The following NRXN3 variants were observed in gnomAD, a reference collection of about 807,000 sequenced individuals.
NRXN3 encodes neurexin 3, also known as neurexin III.
Under a neutral mutation model 137.6 loss-of-function variants are expected in NRXN3, and 32 were observed. The ratio of observed to expected loss-of-function variants is 0.23; its 90% CI spans 0.18 to 0.31. NRXN3 has a LOEUF of 0.31. Ranked by LOEUF, NRXN3 falls within the 10% of genes least tolerant of loss-of-function variation. The pLI is 1.00. For missense variants in NRXN3, 1,574 were observed against 2,062.5 expected (o/e 0.76, Z 4.59); for synonymous variants, 798 against 784.5 (o/e 1.02, Z -0.29).
chr14:78,232,363 C>T (rs2065543629), intron 1 of NRXN3, among the ~76,000 whole-genome samples: 1 of 152,230 alleles, frequency 6.6e-6, no homozygotes, highest in African/African-American at 2.4e-5. Flanking sequence ...AGAGAGAGCC[C>T]TCCCAGCAGC....
At chr14:79,758,067 G>T (rs2099025808) in intron 19 of NRXN3, among the ~76,000 whole-genome samples, 1 of 151,950 alleles carries the variant, frequency 6.6e-6, no homozygotes, top group South Asian at 2.1e-4. Context: ...GTTTATTTTT[G>T]TTTTTTACAG....
At chr14:78,465,396 G>A (rs1325619780) in intron 4 of NRXN3, among the ~76,000 whole-genome samples, 1 of 151,926 alleles carries the variant, frequency 6.6e-6, no homozygotes, top group African/African-American at 2.4e-5. Context: ...TCATAATCTA[G>A]CAATTTAATA....
intron 16 of NRXN3, among the ~76,000 whole-genome samples, chr14:79,542,775 ATCT>A (rs2097285735): frequency 6.6e-6 from 1 of 152,176 alleles, no homozygotes; most frequent in Non-Finnish European, 1.5e-5. Context: ...AGAACAAACA[ATCT>A]TCTTTTAAAA....
intron 17 of NRXN3, among the ~76,000 whole-genome samples, chr14:79,683,997 C>A (rs544849891): frequency 6.6e-6 from 1 of 152,302 alleles, no homozygotes; most frequent in East Asian, 1.9e-4. Flanking sequence ...ACCTCTTACA[C>A]AGAGGAGTTT....
intron 2 of NRXN3, among the ~76,000 whole-genome samples, chr14:78,250,656 C>T (rs765459592): frequency 1.2e-4 from 18 of 152,194 alleles, no homozygotes; most frequent in Admixed American, 3.9e-4. Context: ...CAGGCCTTAG[C>T]ATCCCACTGA....
intron 4 of NRXN3, among the ~76,000 whole-genome samples, chr14:78,306,201 A>G (rs528475969): frequency 1.1e-4 from 17 of 152,270 alleles, no homozygotes; most frequent in East Asian, 5.8e-4. Flanking sequence ...AGATTTTGAA[A>G]CAACATGTCT....
At chr14:78,806,086 A>T (rs527870736) in intron 9 of NRXN3, among the ~76,000 whole-genome samples, 27 of 146,920 alleles carry the variant, frequency 1.8e-4, no homozygotes, top group Middle Eastern at 7.0e-3. Flanking sequence ...TTTTGTTGCA[A>T]TTTCAATCTA....
chr14:79,122,588 A>T (rs1286200887), intron 15 of NRXN3, among the ~76,000 whole-genome samples: 1 of 152,244 alleles, frequency 6.6e-6, no homozygotes, highest in African/African-American at 2.4e-5. Flanking sequence ...CTCTGTTAAG[A>T]TATTCAGACC....
chr14:79,109,396 A>C (rs1177917946), intron 15 of NRXN3, among the ~76,000 whole-genome samples: 1 of 152,218 alleles, frequency 6.6e-6, no homozygotes. Context: ...AATATTTCAG[A>C]ATAATTTTCT....
In NRXN3 at chr14:79,420,709, G is replaced by C. The variant is rs1170202051; in HGVS notation, c.3263-46512G>C. Among the ~76,000 whole-genome samples, 3 of 152,156 alleles carry C rather than the reference G, an allele frequency of 2.0e-5. No individual in the cohort carries two copies. In the East Asian group the frequency reaches 5.8e-4, roughly 29 times the overall value. On this transcript the variant is annotated intron_variant, in intron 15 of 20. Coordinates refer to ENST00000335750, the MANE Select transcript of NRXN3 (RefSeq NM_001330195.2). ...ACAAAACCTAGAGTCAAACATTCAT[G>C]AGGTTTTCTCAATGCAAAAGAAGCC...
chr14:79,761,814 C>T (rs1369098049), intron 19 of NRXN3, among the ~76,000 whole-genome samples: 1 of 150,474 alleles, frequency 6.6e-6, no homozygotes, highest in East Asian at 2.0e-4. Context: ...TACTCATATA[C>T]AAAAGGAAAA....
Position 79,636,002 on chromosome 14 carries a change from T to C in NRXN3, c.3445-27776T>C, listed in dbSNP as rs544937819. 4.6e-5 allele frequency among the ~76,000 whole-genome samples: 7 copies of C among 152,048 alleles called. No homozygotes were observed. The South Asian group carries it at 1.5e-3, about 32-fold the overall frequency. On this transcript the variant is annotated intron_variant, in intron 16 of 20. Transcript: ENST00000335750. ...TCCTTACTGGGTCCCTCCCATGACA[T>C]GTAGGGATTATGGGAACTACTATTC...
chr14:78,575,390 T>C (rs1269560811), intron 4 of NRXN3, among the ~76,000 whole-genome samples: 1 of 152,170 alleles, frequency 6.6e-6, no homozygotes, highest in Non-Finnish European at 1.5e-5. Flanking sequence ...ACCTGAATGA[T>C]GCAGCTTTTT....
intron 15 of NRXN3, among the ~76,000 whole-genome samples, chr14:79,424,333 AC>A (rs1013926801): frequency 3.1e-4 from 47 of 152,314 alleles, no homozygotes; most frequent in African/African-American, 1.1e-3. Context: ...TAGGTAGATA[AC>A]GGCATTCAGA....
Position 78,358,286 on chromosome 14 carries a change from C to T in NRXN3, c.757+60426C>T, listed in dbSNP as rs565537480. Among the ~76,000 whole-genome samples the T allele has an allele frequency of 2.1e-4, 32 of 152,218 alleles. No homozygotes were observed. The South Asian group carries it at 6.6e-3, about 32-fold the overall frequency. On this transcript the variant is annotated intron_variant, in intron 4 of 20. Transcript: ENST00000335750. ...GTTGTAAGTACCATGTGTGGATTAT[C>T]TCATTTAATCATCACAGTAATTCCA...
intron 4 of NRXN3, among the ~76,000 whole-genome samples, chr14:78,412,440 A>C (rs1404429776): frequency 6.6e-6 from 1 of 152,150 alleles, no homozygotes; most frequent in Non-Finnish European, 1.5e-5. Context: ...CTGTAACTTC[A>C]TCTACATTGA....
intron 10 of NRXN3, among the ~76,000 whole-genome samples, chr14:78,936,168 C>T (rs1410859725): frequency 5.9e-5 from 9 of 152,158 alleles, no homozygotes; most frequent in Non-Finnish European, 1.2e-4. Flanking sequence ...CTCTCCTCCC[C>T]AATGTACACA....
At chr14:78,675,740 A>G (rs1311222737) in intron 6 of NRXN3, among the ~76,000 whole-genome samples, 1 of 152,288 alleles carries the variant, frequency 6.6e-6, no homozygotes, top group African/African-American at 2.4e-5. Context: ...TTAAAATTTG[A>G]CTATTCAGGC....
chr14:79,464,946 AT>A (rs1396376799), intron 15 of NRXN3, among the ~76,000 whole-genome samples: 1 of 152,152 alleles, frequency 6.6e-6, no homozygotes, highest in African/African-American at 2.4e-5. Context: ...GCTGCTATCA[AT>A]TTTTTGACTT....
Sources: gnomAD v4.1 joint callset for allele counts (sites outside exome capture counted in the v4.1 genomes callset) on GRCh38, gnomAD v4.1.1 for gene constraint, MANE v1.5 for transcripts, NCBI Gene and HGNC (gene_info 2026-07-23, HGNC 2026-07-21) for gene names.